The following PDE10A variants were observed in gnomAD, a reference collection of about 807,000 sequenced individuals.
PDE10A encodes phosphodiesterase 10A, also known as cAMP and cAMP-inhibited cGMP 3',5'-cyclic phosphodiesterase 10A.
PDE10A carries 39 observed loss-of-function variants against 97.7 expected under a neutral mutation model. That is an observed-to-expected ratio of 0.40 (90% CI 0.31 to 0.52). PDE10A has a LOEUF of 0.52. PDE10A is among the 20% of genes least tolerant of loss of function. The pLI is 0.56. For missense variants in PDE10A, 731 were observed against 1,047.8 expected (o/e 0.70, Z 4.17); for synonymous variants, 371 against 376.8 (o/e 0.98, Z 0.18).
At chr6:165,687,622 C>T (rs1191000567) in intron 1 of PDE10A, among the ~76,000 whole-genome samples, 1 of 152,168 alleles carries the variant, frequency 6.6e-6, no homozygotes, top group Non-Finnish European at 1.5e-5. Context: ...AATACGAAGA[C>T]CAACTAACAT....
At chr6:165,482,277 T>C in intron 3 of PDE10A, 38 bp downstream of exon 3, 1 of 1,347,218 alleles carries the variant, frequency 7.4e-7, no homozygotes, top group South Asian at 1.2e-5. Context: ...ATTCATTTCC[T>C]ATACTGCAGT....
chr6:165,402,602 G>GA (rs1371484821), intron 13 of PDE10A, among the ~76,000 whole-genome samples: 3 of 152,088 alleles, frequency 2.0e-5, no homozygotes, highest in East Asian at 1.9e-4. Flanking sequence ...AATTCTAGCA[G>GA]AAAAAACTGC....
At position 165,619,527 on chromosome 6, in the gene PDE10A, G is replaced by A. The variant is rs1246290373; in HGVS notation, c.865+42420C>T. Among the ~76,000 whole-genome samples the A allele has an allele frequency of 8.0e-3, 882 of 110,546 alleles. 212 individuals carry two copies. The highest frequency in any genetic ancestry group is 0.011 in the Non-Finnish European group (535 of 46,632). The allele number at this position is 110,546 out of a possible 152,430, so 72.5% of individuals were successfully genotyped here. A position where few individuals can be genotyped will look rare whatever the true frequency, so the allele number is the denominator to read the frequency against. On this transcript the variant is annotated intron_variant, in intron 1 of 21. Coordinates refer to ENST00000539869, the MANE Select transcript of PDE10A (RefSeq NM_001385079.1). Reference sequence around the variant, plus strand: ...GTGTAGTGTAGTCTAGTGTAGTGTAGTGTAGTCTAATGTAGTGTAGTGTAG... The same window carrying A: ...GTGTAGTGTAGTCTAGTGTAGTGTAATGTAGTCTAATGTAGTGTAGTGTAG...
rs1379632040 is a variant in PDE10A, at chr6:165,958,551, AAGAAAGAAAGAAAGAC to A, written c.-615+28962_-615+28977del. ...AAAGAAAGAAAGAAAGAAAGAAAGAAAGAAAGAAAGAAAGACAGACAGAAAGAAAGACAGAAAGAGA... is the reference window on the plus strand; with the variant it reads ...AAAGAAAGAAAGAAAGAAAGAAAGAAAGACAGAAAGAAAGACAGAAAGAGA... On this transcript the variant is annotated intron_variant, in intron 1 of 19. Coordinates refer to the PDE10A transcript ENST00000366882. Among the ~76,000 whole-genome samples, 115 of 71,710 alleles carry A rather than the reference AAGAAAGAAAGAAAGAC, an allele frequency of 1.6e-3. 1 individual carries two copies. Among genetic ancestry groups the A allele is most frequent in the African/African-American group, 5.9e-3 (108 of 18,352 alleles). 47.0% of individuals were successfully genotyped at this position (71,710 alleles called of 152,430 possible). A position where few individuals can be genotyped will look rare whatever the true frequency, so the allele number is the denominator to read the frequency against.
rs191142871 is a variant in PDE10A at position 165,794,475 on chromosome 6, C to T, written c.-615+193054G>A. Among the ~76,000 whole-genome samples, 50 of 151,916 alleles carry T rather than the reference C, an allele frequency of 3.3e-4. No individual in the cohort carries two copies. The East Asian group carries it at 8.7e-3, about 26-fold the overall frequency. On this transcript the variant is annotated intron_variant, in intron 1 of 19. Transcript: ENST00000366882. ...ACTCACATGCCCATGCATGCACGCA[C>T]ACACTCATTACACACACTACACACT... is the stretch of plus-strand genomic sequence containing the variant.
At chr6:165,632,374 C>T (rs1378476489) in intron 1 of PDE10A, among the ~76,000 whole-genome samples, 1 of 152,072 alleles carries the variant, frequency 6.6e-6, no homozygotes, top group African/African-American at 2.4e-5. Flanking sequence ...ACTGTGACAG[C>T]AAACATCAAA....
intron 3 of PDE10A, among the ~76,000 whole-genome samples, chr6:165,464,575 C>T (rs1778523494): frequency 6.6e-6 from 1 of 152,086 alleles, no homozygotes. Context: ...CTTAATGGTA[C>T]TAGTGCATAA....
chr6:165,484,260 CTAGAG>C (rs1461914446), intron 2 of PDE10A, among the ~76,000 whole-genome samples: 1 of 152,208 alleles, frequency 6.6e-6, no homozygotes, highest in Non-Finnish European at 1.5e-5. Flanking sequence ...ACTTTCTCTT[CTAGAG>C]TAGAGTTGCA....
At chr6:165,725,684 C>A (rs112638454) in intron 1 of PDE10A, among the ~76,000 whole-genome samples, 1 of 151,770 alleles carries the variant, frequency 6.6e-6, no homozygotes, top group Non-Finnish European at 1.5e-5. Context: ...TATGTACTTA[C>A]GAAAAAAATC....
chr6:165,958,769 A>AAAGAAAGCAAGC, intron 1 of PDE10A, among the ~76,000 whole-genome samples: 1 of 119,474 alleles, frequency 8.4e-6, no homozygotes, highest in South Asian at 2.8e-4. Context: ...AAGAAAGAAG[A>AAAGAAAGCAAGC]AAGCAAGCCA....
In PDE10A at chr6:165,930,610, C is replaced by T. The variant is rs144301196; in HGVS notation, c.-615+56919G>A. Among the ~76,000 whole-genome samples, 15 of 152,302 alleles carry T rather than the reference C, an allele frequency of 9.8e-5. No individual in the cohort carries two copies. In the East Asian group the frequency reaches 2.9e-3, roughly 29 times the overall value. On this transcript the variant is annotated intron_variant, in intron 1 of 19. Transcript: ENST00000366882. Reference sequence around the variant, plus strand: ...CTCAGGGTCTGCCTTCATCAGTATTCCAATAAGCCCATGCCGTGCACGCCT... The same window carrying T: ...CTCAGGGTCTGCCTTCATCAGTATTTCAATAAGCCCATGCCGTGCACGCCT...
chr6:165,940,679 C>G (rs1187651903), intron 1 of PDE10A: 1 of 152,248 alleles, frequency 6.6e-6, no homozygotes, highest in African/African-American at 2.4e-5. Context: ...TTCCTGGGAG[C>G]GTTCTGTCCT....
chr6:165,449,031 T>G, intron 4 of PDE10A, 54 bp from the exon 5 acceptor site: 1 of 1,254,760 alleles, frequency 8.0e-7, no homozygotes, highest in Non-Finnish European at 1.2e-6. Context: ...GAATCTAACA[T>G]GTATGCATCC....
At chr6:165,725,498 T>C (rs9459497) in intron 1 of PDE10A, among the ~76,000 whole-genome samples, 73,044 of 152,028 alleles carry the variant, frequency 0.48, 18,021 homozygotes, top group Non-Finnish European at 0.55. Flanking sequence ...AACCCCATCA[T>C]ACACCCTGCA....
At chr6:165,585,903 C>T (rs1330000009) in intron 1 of PDE10A, among the ~76,000 whole-genome samples, 2 of 152,250 alleles carry the variant, frequency 1.3e-5, no homozygotes, top group East Asian at 1.9e-4. Flanking sequence ...CCCCCCCTTG[C>T]GCTAAGTAAT....
rs1788499517 is a variant in PDE10A, at chr6:165,418,870, GT to G, written c.1654-94del. The G allele has an allele frequency of 1.0e-6, 1 of 960,580 alleles. No homozygotes were observed. The highest frequency in any genetic ancestry group is 2.5e-5 in the East Asian group (1 of 39,436). 59.5% of individuals were successfully genotyped at this position (960,580 alleles called of 1,614,324 possible). ...CATAAAATAAGTATTAATTTCAGCTGTCCTATACTCTAATTGGTTGGTATTA... is the reference window on the plus strand; with the variant it reads ...CATAAAATAAGTATTAATTTCAGCTGCCTATACTCTAATTGGTTGGTATTA... On this transcript the variant is annotated intron_variant, in intron 10 of 21. Coordinates refer to ENST00000539869, the MANE Select transcript of PDE10A (RefSeq NM_001385079.1). The surrounding 1 kb of genome is among the most constrained non-coding windows in gnomAD (Gnocchi z 4.8).
intron 1 of PDE10A, among the ~76,000 whole-genome samples, chr6:165,691,628 A>C (rs1233803831): frequency 7.6e-5 from 11 of 145,312 alleles, no homozygotes; most frequent in Non-Finnish European, 1.4e-4. Flanking sequence ...CACACACAGC[A>C]TCGGTTCTGT....
intron 18 of PDE10A, among the ~76,000 whole-genome samples, chr6:165,351,100 G>T (rs1782664262): frequency 6.6e-6 from 1 of 152,154 alleles, no homozygotes; most frequent in Admixed American, 6.5e-5. Flanking sequence ...TATTTGTGAA[G>T]TCTGCACTGT....
At chr6:165,748,846 C>T (rs922542951) in intron 1 of PDE10A, among the ~76,000 whole-genome samples, 10 of 151,022 alleles carry the variant, frequency 6.6e-5, no homozygotes, top group African/African-American at 2.2e-4. Flanking sequence ...TTTCACTCTC[C>T]TGTGAAGAGA....
Sources: gnomAD v4.1 joint callset for allele counts (sites outside exome capture counted in the v4.1 genomes callset) on GRCh38, gnomAD v4.1.1 for gene constraint, Gnocchi (gnomAD v3.1) non-coding constraint, MANE v1.5 for transcripts, NCBI Gene and HGNC (gene_info 2026-07-23, HGNC 2026-07-21) for gene names.